Variants in IL1RAPL2 observed in about 807,000 individuals in gnomAD.
IL1RAPL2 encodes the protein interleukin 1 receptor accessory protein like 2.
IL1RAPL2 carries 3 observed loss-of-function variants against 44.1 expected under a neutral mutation model. The ratio of observed to expected loss-of-function variants is 0.07; its 90% CI spans 0.03 to 0.18. The LOEUF (loss-of-function observed/expected upper bound fraction) is 0.18. IL1RAPL2 is among the 10% of genes least tolerant of loss of function. The pLI, the probability that IL1RAPL2 is intolerant of heterozygous loss-of-function variation, is 1.00. For missense variants in IL1RAPL2, 391 were observed against 496.4 expected, an observed-to-expected ratio of 0.79 and a Z score of 2.02; for synonymous variants, 181 against 178.8, an observed-to-expected ratio of 1.01 and a Z score of -0.10.
At chrX:105,158,941 C>T in intron 2 of IL1RAPL2, among the ~76,000 whole-genome samples, 1 of 111,743 alleles carries the variant, frequency 8.9e-6, no homozygotes, top group East Asian at 2.8e-4. Flanking sequence ...CCCTGCTGTG[C>T]TTTCTACTGA....
At chrX:105,680,226 C>T (rs2037912319) in intron 6 of IL1RAPL2, among the ~76,000 whole-genome samples, 1 of 111,739 alleles carries the variant, frequency 8.9e-6, no homozygotes, top group Non-Finnish European at 1.9e-5. Context: ...GTCTAGATCT[C>T]CTGACCTTGT....
At chrX:105,055,476 A>T (rs1037901557) in intron 2 of IL1RAPL2, among the ~76,000 whole-genome samples, 6 of 111,894 alleles carry the variant, frequency 5.4e-5, no homozygotes, top group African/African-American at 2.0e-4. Context: ...CCCTTTTAGC[A>T]TTATAAAGAA....
chrX:105,680,104 G>A (rs1224515110), intron 6 of IL1RAPL2, among the ~76,000 whole-genome samples: 14 of 111,211 alleles, frequency 1.3e-4, no homozygotes, highest in East Asian at 2.8e-4. Flanking sequence ...AGGTTCAAGC[G>A]ATTCTCCTCC....
At chrX:105,074,931 G>T (rs2032268982) in intron 2 of IL1RAPL2, among the ~76,000 whole-genome samples, 2 of 111,284 alleles carry the variant, frequency 1.8e-5, no homozygotes, top group South Asian at 7.5e-4. Context: ...TCAGCTTGAG[G>T]AGATTTTGGG....
At chrX:105,059,502 C>T (rs146357821) in intron 2 of IL1RAPL2, among the ~76,000 whole-genome samples, 1 of 111,862 alleles carries the variant, frequency 8.9e-6, no homozygotes, top group East Asian at 2.8e-4. Flanking sequence ...GTAGATGTAC[C>T]AGATGTGCCA....
intron 2 of IL1RAPL2, among the ~76,000 whole-genome samples, chrX:104,914,503 G>T (rs1446242586): frequency 8.9e-6 from 1 of 111,885 alleles, no homozygotes; most frequent in Non-Finnish European, 1.9e-5. Context: ...CATCTGGAAA[G>T]ATATTCTTCT....
At chrX:104,888,906 C>T (rs189147209) in intron 2 of IL1RAPL2, among the ~76,000 whole-genome samples, 4 of 111,735 alleles carry the variant, frequency 3.6e-5, no homozygotes, top group Non-Finnish European at 5.6e-5. Context: ...ACCTATTACA[C>T]AAGCAATGAA....
chrX:105,552,113 A>C (rs747793447), intron 6 of IL1RAPL2, among the ~76,000 whole-genome samples: 2 of 110,784 alleles, frequency 1.8e-5, no homozygotes, highest in South Asian at 7.7e-4. Flanking sequence ...TTCAAAAAAA[A>C]AAAAAAAAGA....
chrX:105,233,201 T>A (rs1421769148), intron 3 of IL1RAPL2, among the ~76,000 whole-genome samples: 1 of 110,990 alleles, frequency 9.0e-6, no homozygotes, highest in East Asian at 2.8e-4. Flanking sequence ...GGAGAATGGC[T>A]TGAACCCGGG....
chrX:105,526,136 C>T (rs1328270877), intron 6 of IL1RAPL2, among the ~76,000 whole-genome samples: 1 of 111,949 alleles, frequency 8.9e-6, no homozygotes, highest in Non-Finnish European at 1.9e-5. Context: ...ATATTAAATA[C>T]TAGCCCCAAT....
chrX:104,900,124 T>A (rs763040309), intron 2 of IL1RAPL2, among the ~76,000 whole-genome samples: 1 of 112,110 alleles, frequency 8.9e-6, no homozygotes, highest in East Asian at 2.8e-4. Context: ...CTAGGTGATA[T>A]CTCATCACAT....
At chrX:104,982,187 A>C (rs2030454489) in intron 2 of IL1RAPL2, among the ~76,000 whole-genome samples, 1 of 110,132 alleles carries the variant, frequency 9.1e-6, no homozygotes, top group African/African-American at 3.3e-5. Context: ...GTTCATTAAT[A>C]CCCCTTATAA....
intron 2 of IL1RAPL2, among the ~76,000 whole-genome samples, chrX:105,047,378 T>A (rs73245743): frequency 1.9e-3 from 216 of 112,065 alleles, no homozygotes; most frequent in Non-Finnish European, 3.4e-3. Flanking sequence ...AAAATTGGCA[T>A]GCTGTTTTAG....
At chrX:105,640,644 GTA>G (rs1316901366) in intron 6 of IL1RAPL2, among the ~76,000 whole-genome samples, 1 of 57,535 alleles carries the variant, frequency 1.7e-5, no homozygotes, top group East Asian at 5.1e-4. Flanking sequence ...CACAAATTAT[GTA>G]TGTGTGTGTA....
intron 2 of IL1RAPL2, among the ~76,000 whole-genome samples, chrX:104,950,865 G>A (rs957243428): frequency 9.0e-6 from 1 of 110,954 alleles, no homozygotes; most frequent in East Asian, 2.9e-4. Context: ...CCGCCACCTC[G>A]CCCGGCTAAT....
intron 6 of IL1RAPL2, among the ~76,000 whole-genome samples, chrX:105,488,385 C>G (rs943732753): frequency 1.8e-5 from 2 of 111,748 alleles, no homozygotes; most frequent in African/African-American, 6.5e-5. Context: ...CAACTAGCAC[C>G]AAGACACCAA....
Position 104,813,630 on chromosome X carries a change from C to G in IL1RAPL2, c.82+154635C>G, listed in dbSNP as rs367745346. 1.3e-4 allele frequency among the ~76,000 whole-genome samples: 14 copies of G among 111,353 alleles called. No individual in the cohort carries two copies. In the East Asian group the frequency reaches 2.8e-3, roughly 22 times the overall value. On this transcript the variant is annotated intron_variant, in intron 2 of 10. Transcript: ENST00000372582. ...GATCTGTGTAAATTTCAGCTGCCAC[C>G]AACAATGTGGTCACTTTTTCAGTCC...
intron 7 of IL1RAPL2, among the ~76,000 whole-genome samples, chrX:105,735,192 G>C (rs757440563): frequency 9.0e-6 from 1 of 111,092 alleles, no homozygotes; most frequent in Non-Finnish European, 1.9e-5. Flanking sequence ...TTGGAATATA[G>C]TGATGTCTGT....
intron 2 of IL1RAPL2, among the ~76,000 whole-genome samples, chrX:105,193,712 A>T (rs901450538): frequency 2.7e-5 from 3 of 112,043 alleles, no homozygotes; most frequent in Middle Eastern, 4.2e-3. Flanking sequence ...AGTGATCAGT[A>T]CATATTTAGT....
Sources: allele counts gnomAD v4.1 joint callset (sites outside exome capture counted in the v4.1 genomes callset), GRCh38; gene constraint gnomAD v4.1.1; transcripts MANE v1.5; gene names NCBI Gene and HGNC (gene_info 2026-07-23, HGNC 2026-07-21).